Variants in AKAP19 observed in about 807,000 individuals in gnomAD.
AKAP19 encodes A-kinase anchoring protein 19.
the AKAP19 span, chr2:189,917,327 C>T: frequency 5.4e-5 from 76 of 1,402,778 alleles, no homozygotes; most frequent in Non-Finnish European, 6.1e-5. Context: ...GACACTTGTC[C>T]GGTTGTTGAA....
the AKAP19 span, among the ~76,000 whole-genome samples, chr2:190,169,955 TAAAATGTATTTTTGCCATTAA>T: frequency 1.3e-5 from 2 of 152,230 alleles, no homozygotes; most frequent in African/African-American, 2.4e-5. Flanking sequence ...TAAGAGCTGT[TAAAATGTATTTTTGCCATTAA>T]AAGTAATGGC....
the AKAP19 span, among the ~76,000 whole-genome samples, chr2:190,197,200 C>T: frequency 1.3e-5 from 2 of 152,182 alleles, no homozygotes; most frequent in East Asian, 1.9e-4. The surrounding 1 kb of genome is among the most constrained non-coding windows in gnomAD (Gnocchi z 4.0). Flanking sequence ...AACATCCTAG[C>T]TCACAAGCCT....
the AKAP19 span, among the ~76,000 whole-genome samples, chr2:189,909,366 T>C: frequency 6.6e-6 from 1 of 152,058 alleles, no homozygotes; most frequent in South Asian, 2.1e-4. Flanking sequence ...AGATAATTAT[T>C]GATAAAGACT....
the AKAP19 span, among the ~76,000 whole-genome samples, chr2:190,045,300 C>T: frequency 2.6e-5 from 4 of 152,250 alleles, 1 homozygote; most frequent in Admixed American, 2.0e-4. Flanking sequence ...CTTGGACTCT[C>T]CAAAGCCCAA....
chr2:189,957,938 C>T, the AKAP19 span, among the ~76,000 whole-genome samples: 13 of 152,184 alleles, frequency 8.5e-5, no homozygotes, highest in African/African-American at 1.7e-4. Context: ...GGACTACAGA[C>T]GTGCACCACC....
chr2:190,150,667 C>T, the AKAP19 span, among the ~76,000 whole-genome samples: 2 of 152,006 alleles, frequency 1.3e-5, no homozygotes, highest in Non-Finnish European at 2.9e-5. Flanking sequence ...AATTCAAATG[C>T]GAGCTTCTGC....
At chr2:190,197,930 A>C in the AKAP19 span, among the ~76,000 whole-genome samples, 50 of 152,144 alleles carry the variant, frequency 3.3e-4, no homozygotes, top group African/African-American at 1.1e-3. The surrounding 1 kb of genome is among the most constrained non-coding windows in gnomAD (Gnocchi z 4.0). Context: ...AATTTTTTTC[A>C]GGTTAACCAT....
At chr2:190,181,220 G>A in the AKAP19 span, 1 of 916,468 alleles carries the variant, frequency 1.1e-6, no homozygotes, top group Non-Finnish European at 1.3e-6. Flanking sequence ...ATGAGTTACA[G>A]GAGGCTTTAA....
the AKAP19 span, chr2:190,199,658 TTC>T: frequency 7.5e-7 from 1 of 1,326,682 alleles, no homozygotes; most frequent in Non-Finnish European, 9.9e-7. Context: ...CTATTTTGCA[TTC>T]TGTAACTTCA....
At chr2:190,162,225 G>A in the AKAP19 span, among the ~76,000 whole-genome samples, 1 of 152,118 alleles carries the variant, frequency 6.6e-6, no homozygotes, top group Non-Finnish European at 1.5e-5. Flanking sequence ...TATTATCTTT[G>A]TAAATATGAG....
chr2:190,194,706 A>T, the AKAP19 span, among the ~76,000 whole-genome samples: 2 of 152,142 alleles, frequency 1.3e-5, no homozygotes, highest in East Asian at 3.8e-4. Flanking sequence ...CCTCTTCCAT[A>T]ACCCTTGGCA....
At chr2:190,118,043 C>T in the AKAP19 span, among the ~76,000 whole-genome samples, 44 of 152,120 alleles carry the variant, frequency 2.9e-4, no homozygotes, top group South Asian at 1.0e-3. Flanking sequence ...ATATCACCAC[C>T]GATCCCACAG....
At chr2:190,193,185 C>T in the AKAP19 span, among the ~76,000 whole-genome samples, 6 of 151,824 alleles carry the variant, frequency 4.0e-5, no homozygotes, top group African/African-American at 1.5e-4. Flanking sequence ...GGTATTTTAT[C>T]AAAATTTTTT....
At chr2:189,974,739 G>C in the AKAP19 span, among the ~76,000 whole-genome samples, 1 of 152,132 alleles carries the variant, frequency 6.6e-6, no homozygotes, top group Non-Finnish European at 1.5e-5. Flanking sequence ...ATGTAATGGT[G>C]TTCTTTGTCT....
At chr2:189,999,220 G>T in the AKAP19 span, among the ~76,000 whole-genome samples, 3 of 151,868 alleles carry the variant, frequency 2.0e-5, no homozygotes, top group Non-Finnish European at 4.4e-5. Context: ...TGTGTTTAAA[G>T]CTAGAAATTT....
At chr2:189,966,684 G>C in the AKAP19 span, among the ~76,000 whole-genome samples, 1,114 of 152,220 alleles carry the variant, frequency 7.3e-3, 15 homozygotes, top group African/African-American at 0.025. Context: ...AAGTAAACCT[G>C]GGGAAATCTG....
chr2:190,134,415 T>A, the AKAP19 span, among the ~76,000 whole-genome samples: 46 of 152,268 alleles, frequency 3.0e-4, no homozygotes, highest in African/African-American at 1.1e-3. Context: ...TATCAATTAT[T>A]GGTATTTTAT....
At chr2:190,119,680 C>A in the AKAP19 span, among the ~76,000 whole-genome samples, 10 of 152,122 alleles carry the variant, frequency 6.6e-5, no homozygotes, top group African/African-American at 1.9e-4. Flanking sequence ...TCCAATAACC[C>A]TTTTTTCCTC....
chr2:189,948,441 C>A, the AKAP19 span, among the ~76,000 whole-genome samples: 2 of 152,094 alleles, frequency 1.3e-5, no homozygotes, highest in Admixed American at 6.5e-5. Context: ...GTGTACCTCC[C>A]TGAAAAACTT....
Sources: allele counts gnomAD v4.1 joint callset (sites outside exome capture counted in the v4.1 genomes callset), GRCh38; gene constraint gnomAD v4.1.1; non-coding constraint Gnocchi (gnomAD v3.1); transcripts MANE v1.5; gene names NCBI Gene and HGNC (gene_info 2026-07-23, HGNC 2026-07-21).